HS3ST4: variants seen among roughly 807,000 people sequenced by gnomAD.
The protein encoded by HS3ST4 is heparan sulfate glucosamine 3-O-sulfotransferase 4.
A neutral mutation model predicts 29.2 loss-of-function variants in HS3ST4; 17 were observed. The ratio of observed to expected loss-of-function variants is 0.58; its 90% CI spans 0.40 to 0.87. The LOEUF (loss-of-function observed/expected upper bound fraction) is 0.87, where lower values mean the gene tolerates loss of function less well. Ranked by LOEUF, HS3ST4 falls within the 40% of genes least tolerant of loss-of-function variation. HS3ST4 has a pLI of 0.00. For synonymous variants in HS3ST4, 314 were observed against 285.7 expected, an observed-to-expected ratio of 1.10 and a Z score of -1.00; for missense variants, 627 against 634.5, an observed-to-expected ratio of 0.99 and a Z score of 0.13.
chr16:25,916,830 C>T (rs572363882), intron 1 of HS3ST4, among the ~76,000 whole-genome samples: 329 of 151,938 alleles, frequency 2.2e-3, no homozygotes, highest in African/African-American at 7.7e-3. Flanking sequence ...CAGGCGCCTG[C>T]GACCACGCCC....
intron 1 of HS3ST4, among the ~76,000 whole-genome samples, chr16:26,017,569 A>C (rs1239084413): frequency 6.6e-6 from 1 of 152,188 alleles, no homozygotes; most frequent in Non-Finnish European, 1.5e-5. Context: ...AAAATGAAAC[A>C]CTTTCATGGT....
intron 1 of HS3ST4, among the ~76,000 whole-genome samples, chr16:25,759,556 G>C (rs576141023): frequency 1.3e-5 from 2 of 152,280 alleles, no homozygotes; most frequent in South Asian, 4.2e-4. Context: ...CAGGAGGTCC[G>C]AGTTGTGACT....
At chr16:25,992,323 G>T (rs921543050) in intron 1 of HS3ST4, among the ~76,000 whole-genome samples, 1 of 152,330 alleles carries the variant, frequency 6.6e-6, no homozygotes, top group African/African-American at 2.4e-5. Context: ...ACTTCCTAGA[G>T]AAATTGATGT....
chr16:26,029,749 T>G (rs1056042824), intron 1 of HS3ST4, among the ~76,000 whole-genome samples: 3 of 152,182 alleles, frequency 2.0e-5, no homozygotes, highest in African/African-American at 7.2e-5. Flanking sequence ...CTGCTGGGTT[T>G]ATTGAAGCAT....
chr16:25,880,755 G>T (rs1967886080), intron 1 of HS3ST4, among the ~76,000 whole-genome samples: 1 of 152,086 alleles, frequency 6.6e-6, no homozygotes. Flanking sequence ...AAATAATAGA[G>T]GGAAAATAGT....
At chr16:25,895,571 G>C (rs1968053957) in intron 1 of HS3ST4, among the ~76,000 whole-genome samples, 1 of 152,116 alleles carries the variant, frequency 6.6e-6, no homozygotes, top group South Asian at 2.1e-4. Context: ...GCTGTAACTG[G>C]ATGCTGTGGA....
At chr16:25,762,893 AAAAAAAG>A (rs1567234925) in intron 1 of HS3ST4, among the ~76,000 whole-genome samples, 11 of 149,198 alleles carry the variant, frequency 7.4e-5, no homozygotes, top group African/African-American at 1.0e-4. Flanking sequence ...AAAAAAAAAA[AAAAAAAG>A]AAAAAAGAAA....
At chr16:26,097,471 A>C (rs558351099) in intron 1 of HS3ST4, among the ~76,000 whole-genome samples, 15 of 152,254 alleles carry the variant, frequency 9.9e-5, no homozygotes, top group Admixed American at 5.2e-4. Context: ...TGACAAAAAC[A>C]AGAAATAGGA....
At chr16:25,787,128 A>G (rs923797549) in intron 1 of HS3ST4, among the ~76,000 whole-genome samples, 8 of 152,218 alleles carry the variant, frequency 5.3e-5, no homozygotes, top group African/African-American at 1.9e-4. Context: ...TGCTTAGGTA[A>G]AGCCATCTGA....
intron 1 of HS3ST4, among the ~76,000 whole-genome samples, chr16:26,082,369 C>T (rs553675950): frequency 3.2e-4 from 49 of 152,302 alleles, no homozygotes; most frequent in Admixed American, 3.9e-4. Flanking sequence ...TTAAAGGTGT[C>T]TTAACTCTTC....
intron 1 of HS3ST4, among the ~76,000 whole-genome samples, chr16:25,937,058 G>C (rs1369160690): frequency 6.6e-6 from 1 of 152,154 alleles, no homozygotes; most frequent in African/African-American, 2.4e-5. Flanking sequence ...GGCTCAGATA[G>C]TCAGGACATG....
chr16:25,974,087 C>T (rs547842240), intron 1 of HS3ST4, among the ~76,000 whole-genome samples: 2 of 152,328 alleles, frequency 1.3e-5, no homozygotes, highest in African/African-American at 2.4e-5. Flanking sequence ...CTCTTACATA[C>T]GCTTCTTACA....
In HS3ST4 at chr16:25,699,657, C is replaced by A. The variant is rs186427576; in HGVS notation, c.734+6506C>A. Among the ~76,000 whole-genome samples, 779 of 152,272 alleles carry A rather than the reference C, an allele frequency of 5.1e-3. 5 individuals carry two copies. The highest frequency in any genetic ancestry group is 0.037 in the South Asian group (178 of 4,828). On this transcript the variant is annotated intron_variant, in intron 1 of 1. Transcript: ENST00000331351. ...ATTTTAACTCCATAGGGTCCATTCA[C>A]CTACGAAAAGACTTTGGTTCCAGAA...
chr16:26,083,481 T>C (rs989443677), intron 1 of HS3ST4, among the ~76,000 whole-genome samples: 2 of 151,808 alleles, frequency 1.3e-5, no homozygotes, highest in African/African-American at 4.8e-5. Flanking sequence ...GAGTCAACAA[T>C]TTTTTTTTCC....
intron 1 of HS3ST4, among the ~76,000 whole-genome samples, chr16:25,837,278 A>C (rs904358076): frequency 3.9e-5 from 6 of 152,258 alleles, no homozygotes; most frequent in African/African-American, 1.4e-4. Flanking sequence ...ACCCACACCC[A>C]CATCTTGCTT....
chr16:25,857,948 C>CT (rs774843830), intron 1 of HS3ST4, among the ~76,000 whole-genome samples: 36 of 57,152 alleles, frequency 6.3e-4, no homozygotes, highest in African/African-American at 2.6e-3. Flanking sequence ...TTCTTTCTTT[C>CT]TTTCTTTCTT....
At chr16:25,883,550 A>T (rs1967916232) in intron 1 of HS3ST4, among the ~76,000 whole-genome samples, 1 of 152,166 alleles carries the variant, frequency 6.6e-6, no homozygotes, top group Non-Finnish European at 1.5e-5. Context: ...CAGAATTCAA[A>T]TTCAGGTCAG....
chr16:26,047,765 A>G (rs1189703557), intron 1 of HS3ST4, among the ~76,000 whole-genome samples: 1 of 152,214 alleles, frequency 6.6e-6, no homozygotes, highest in Non-Finnish European at 1.5e-5. Context: ...AACTCCTTTT[A>G]TATGAGTAAG....
At chr16:25,990,545 C>T (rs1969105513) in intron 1 of HS3ST4, among the ~76,000 whole-genome samples, 1 of 152,254 alleles carries the variant, frequency 6.6e-6, no homozygotes, top group Non-Finnish European at 1.5e-5. Context: ...GATTAAATGA[C>T]ATCATGCACA....
Sources: allele counts gnomAD v4.1 joint callset (sites outside exome capture counted in the v4.1 genomes callset), GRCh38; gene constraint gnomAD v4.1.1; transcripts MANE v1.5; gene names NCBI Gene and HGNC (gene_info 2026-07-23, HGNC 2026-07-21).